The following LINGO2 variants were observed in gnomAD, a reference collection of about 807,000 sequenced individuals.
The protein encoded by LINGO2 is leucine-rich repeat and immunoglobulin-like domain-containing nogo receptor-interacting protein 2.
LINGO2 carries 14 observed loss-of-function variants against 30.6 expected under a neutral mutation model. The ratio of observed to expected loss-of-function variants is 0.46; its 90% confidence interval spans 0.30 to 0.72. LINGO2 has a LOEUF of 0.72. LINGO2 is among the 30% of genes least tolerant of loss of function. LINGO2 has a pLI of 0.07. For missense variants in LINGO2, 729 were observed against 751.7 expected (o/e 0.97, Z 0.35); for synonymous variants, 317 against 288.5 (o/e 1.10, Z -1.00).
intron 5 of LINGO2, among the ~76,000 whole-genome samples, chr9:27,962,601 T>C (rs1819902803): frequency 6.6e-6 from 1 of 152,238 alleles, no homozygotes; most frequent in Non-Finnish European, 1.5e-5. Flanking sequence ...TGGGGTCATA[T>C]CTCATCAACT....
chr9:28,049,013 T>C (rs968848027), intron 4 of LINGO2, among the ~76,000 whole-genome samples: 14 of 151,106 alleles, frequency 9.3e-5, no homozygotes, highest in Non-Finnish European at 1.5e-5. Flanking sequence ...TTTTAAATCA[T>C]TTAAGCATTC....
chr9:28,055,487 G>A (rs957543528), intron 4 of LINGO2, among the ~76,000 whole-genome samples: 3 of 152,154 alleles, frequency 2.0e-5, no homozygotes, highest in African/African-American at 7.2e-5. Context: ...TAAAAAGAGA[G>A]TAAGGTTCAC....
intron 4 of LINGO2, among the ~76,000 whole-genome samples, chr9:28,102,296 T>C (rs1388107480): frequency 3.3e-5 from 5 of 152,002 alleles, no homozygotes. Context: ...ACTAGTAACT[T>C]GGAAGGCTGA....
the LINGO2 span, among the ~76,000 whole-genome samples, chr9:28,886,474 C>T: frequency 6.6e-6 from 1 of 152,064 alleles, no homozygotes; most frequent in Non-Finnish European, 1.5e-5. Flanking sequence ...AGGGCTACTC[C>T]TTGGATTTGA....
intron 4 of LINGO2, among the ~76,000 whole-genome samples, chr9:28,284,200 C>G (rs1388065675): frequency 1.1e-4 from 16 of 152,172 alleles, no homozygotes; most frequent in Admixed American, 1.0e-3. Flanking sequence ...AAGTGAGCTG[C>G]TGAGAGAAGA....
At chr9:28,788,502 C>T in the LINGO2 span, among the ~76,000 whole-genome samples, 3 of 152,190 alleles carry the variant, frequency 2.0e-5, no homozygotes, top group African/African-American at 7.2e-5. Flanking sequence ...GAGAGCGAAC[C>T]ACACGTGTAT....
rs1378383543 is a variant in LINGO2, at chr9:28,189,316, GAA to G, written c.-87+105890_-87+105891del. Among the ~76,000 whole-genome samples the G allele has an allele frequency of 5.0e-4, 38 of 75,474 alleles. 2 individuals carry two copies. Among genetic ancestry groups the G allele is most frequent in the African/African-American group, 1.8e-3 (35 of 19,092 alleles). 49.5% of individuals were successfully genotyped at this position (75,474 alleles called of 152,430 possible). ...GGAAGGAAGGAAGGGAGGAAGGAAG[GAA>G]GGAAGGGAGGGAGGAAGGAAGGAAG... On this transcript the variant is annotated intron_variant, in intron 4 of 5. Coordinates refer to ENST00000379992, the Ensembl canonical transcript of LINGO2.
the LINGO2 span, among the ~76,000 whole-genome samples, chr9:28,722,202 G>T: frequency 1.3e-5 from 2 of 152,176 alleles, no homozygotes; most frequent in African/African-American, 4.8e-5. Flanking sequence ...AGGAAATATT[G>T]CAAGTTGTTC....
the LINGO2 span, among the ~76,000 whole-genome samples, chr9:28,863,945 C>T: frequency 6.6e-6 from 1 of 151,948 alleles, no homozygotes; most frequent in Non-Finnish European, 1.5e-5. Flanking sequence ...TAAAAGAATT[C>T]CTAATACAAT....
At chr9:29,164,751 T>C in the LINGO2 span, among the ~76,000 whole-genome samples, 1 of 151,224 alleles carries the variant, frequency 6.6e-6, no homozygotes, top group Non-Finnish European at 1.5e-5. Context: ...TGTGCATATA[T>C]ATGCATATAT....
intron 4 of LINGO2, among the ~76,000 whole-genome samples, chr9:28,102,332 A>G (rs1301878555): frequency 6.6e-6 from 1 of 152,124 alleles, no homozygotes; most frequent in African/African-American, 2.4e-5. Context: ...AATATTTTAA[A>G]TTCAAGTATT....
intron 4 of LINGO2, among the ~76,000 whole-genome samples, chr9:28,281,945 T>C (rs1823343060): frequency 6.6e-6 from 1 of 152,104 alleles, no homozygotes; most frequent in Non-Finnish European, 1.5e-5. Context: ...TTCCACATGG[T>C]AAAGGCAAGC....
the LINGO2 span, among the ~76,000 whole-genome samples, chr9:28,707,521 C>T: frequency 1.3e-5 from 2 of 152,064 alleles, no homozygotes; most frequent in Admixed American, 1.3e-4. Flanking sequence ...CAAAACAAAA[C>T]CTGAAATAAA....
chr9:28,011,352 C>A (rs1269166276), intron 5 of LINGO2, among the ~76,000 whole-genome samples: 2 of 152,120 alleles, frequency 1.3e-5, no homozygotes, highest in Admixed American at 6.5e-5. Flanking sequence ...GAAAAGGAAT[C>A]AAATACTGTG....
intron 2 of LINGO2, among the ~76,000 whole-genome samples, chr9:28,383,010 A>G (rs2150862): frequency 0.72 from 109,426 of 151,892 alleles, 41,063 homozygotes; most frequent in Non-Finnish European, 0.83. Flanking sequence ...CAAGGATCCT[A>G]TAGTAAAAGG....
At chr9:28,930,928 T>G in the LINGO2 span, among the ~76,000 whole-genome samples, 3 of 152,208 alleles carry the variant, frequency 2.0e-5, no homozygotes, top group Non-Finnish European at 4.4e-5. This position sits in a 1 kb window ranked among gnomAD's most constrained non-coding sequence, Gnocchi z 4.2. Context: ...CATTATATGT[T>G]ATTTAAATTC....
intron 2 of LINGO2, among the ~76,000 whole-genome samples, chr9:28,429,867 A>C (rs564975897): frequency 3.9e-5 from 6 of 152,302 alleles, no homozygotes; most frequent in Non-Finnish European, 8.8e-5. Flanking sequence ...AAGAAACTGA[A>C]GATAGCCTAG....
intron 4 of LINGO2, among the ~76,000 whole-genome samples, chr9:28,031,784 A>G (rs1823686986): frequency 6.6e-6 from 1 of 152,220 alleles, no homozygotes; most frequent in Non-Finnish European, 1.5e-5. Context: ...AGCTGTCCAG[A>G]ACACACACTT....
At chr9:27,955,241 T>A (rs765818530) in intron 5 of LINGO2, among the ~76,000 whole-genome samples, 1 of 152,228 alleles carries the variant, frequency 6.6e-6, no homozygotes, top group Non-Finnish European at 1.5e-5. Flanking sequence ...TTGACATTAT[T>A]CCTCCCTCAT....
Sources: gnomAD v4.1 joint callset for allele counts (sites outside exome capture counted in the v4.1 genomes callset) on GRCh38, gnomAD v4.1.1 for gene constraint, Gnocchi (gnomAD v3.1) non-coding constraint, MANE v1.5 for transcripts, NCBI Gene and HGNC (gene_info 2026-07-23, HGNC 2026-07-21) for gene names.